The following RHOBTB2 variants were observed in gnomAD, a reference collection of about 807,000 sequenced individuals.
The protein encoded by RHOBTB2 is rho-related BTB domain-containing protein 2.
RHOBTB2 carries 39 observed loss-of-function variants against 66.5 expected under a neutral mutation model. That is an observed-to-expected ratio of 0.59 (90% CI 0.45 to 0.77). The LOEUF (loss-of-function observed/expected upper bound fraction) is 0.77, where lower values mean the gene tolerates loss of function less well. RHOBTB2 is among the 30% of genes least tolerant of loss of function. The pLI, the probability that RHOBTB2 is intolerant of heterozygous loss-of-function variation, is 0.00. For missense variants in RHOBTB2, 755 were observed against 999.1 expected (o/e 0.76, Z 3.29); for synonymous variants, 390 against 395.0 (o/e 0.99, Z 0.15).
intron 2 of RHOBTB2, among the ~76,000 whole-genome samples, chr8:22,994,157 C>T (rs1426601799): frequency 6.6e-6 from 1 of 152,226 alleles, no homozygotes; most frequent in Non-Finnish European, 1.5e-5. Context: ...GTCACCTGAC[C>T]TGGCCCTTGT....
upstream of RHOBTB2, among the ~76,000 whole-genome samples, chr8:22,996,162 G>A (rs752665924): frequency 3.9e-5 from 6 of 152,256 alleles, no homozygotes; most frequent in Admixed American, 6.5e-5. Flanking sequence ...TGGCCTGGAG[G>A]AGGGTGGTGT....
the RHOBTB2 span, among the ~76,000 whole-genome samples, chr8:22,956,934 A>G: frequency 6.6e-6 from 1 of 152,178 alleles, no homozygotes; most frequent in African/African-American, 2.4e-5. Flanking sequence ...TGCTGGAATT[A>G]CAGGCATGAG....
At chr8:23,002,611 AC>A (rs1439538758) in intron 1 of RHOBTB2, among the ~76,000 whole-genome samples, 2 of 152,078 alleles carry the variant, frequency 1.3e-5, no homozygotes, top group African/African-American at 2.4e-5. Context: ...AATCACTTGA[AC>A]CCAGGAGGCA....
chr8:22,965,626 T>A, the RHOBTB2 span, among the ~76,000 whole-genome samples: 3 of 152,078 alleles, frequency 2.0e-5, no homozygotes, highest in African/African-American at 7.2e-5. Context: ...AATAAACCCT[T>A]GCATATATGG....
chr8:22,969,728 G>A, the RHOBTB2 span, among the ~76,000 whole-genome samples: 1 of 152,002 alleles, frequency 6.6e-6, no homozygotes, highest in Non-Finnish European at 1.5e-5. Context: ...TTAACAATAG[G>A]AAATTAGAAT....
At position 23,007,156 on chromosome 8, in the gene RHOBTB2, A is replaced by G; in HGVS notation, c.911A>G (p.Glu304Gly). 1 of 1,606,020 alleles carries G rather than the reference A, an allele frequency of 6.2e-7. No homozygotes were observed. ...TTCCTCATGGACCTGAGTGAGGGGG[A>G]GCTGGGGGGCCCCTCGGAGCCAGGG... ...DLFLMDLSEG[E>G]LGGPSEPGGT... Residue 304 changes from glutamate to glycine, a missense_variant, in exon 5 of 10, where the codon GAG becomes GGG. By Grantham distance (98) the Glu-to-Gly change is moderately conservative. Transcript: ENST00000251822.
intron 1 of RHOBTB2, 112 bp downstream of exon 1, chr8:23,000,217 T>A: frequency 1.4e-6 from 1 of 706,510 alleles, no homozygotes; most frequent in Non-Finnish European, 1.7e-6. Flanking sequence ...CGGGCCCCGC[T>A]AGTCCCTGGG....
At chr8:22,995,932 G>C, upstream of RHOBTB2, 2 of 1,528,536 alleles carry the variant, frequency 1.3e-6, no homozygotes, top group Non-Finnish European at 1.8e-6. Context: ...TGAAGCAAAG[G>C]GAAGGTGCAG....
chr8:22,976,633 C>CT, the RHOBTB2 span, among the ~76,000 whole-genome samples: 130 of 150,518 alleles, frequency 8.6e-4, 2 homozygotes, highest in African/African-American at 2.9e-3. Context: ...ATCCATAGAA[C>CT]TTTTTTTTTT....
At position 23,007,738 on chromosome 8, in the gene RHOBTB2, C is replaced by T; in HGVS notation, c.1493C>T (p.Thr498Ile). The T allele has an allele frequency of 6.2e-7, 1 of 1,613,352 alleles. No homozygotes were observed. Among genetic ancestry groups the T allele is most frequent in the Non-Finnish European group, 8.5e-7 (1 of 1,179,498 alleles). The stretch of plus-strand genomic sequence containing the variant: ...GTTAAGGAGTGCTTGGCAAAAGGCA[C>T]CTTCTCAGGTATGGAACAGGCTTGG... Reference protein sequence around the residue: ...NRVKECLAKGTFSDVTFILDD... With the variant: ...NRVKECLAKGIFSDVTFILDD... Residue 498 changes from threonine to isoleucine, a missense_variant, in exon 5 of 10, where the codon ACC becomes ATC. This residue lies in a region of RHOBTB2 where 353 missense variants were observed against 458.2 expected (regional missense o/e 0.77). Coordinates refer to ENST00000251822, the MANE Select transcript of RHOBTB2 (RefSeq NM_015178.3).
the RHOBTB2 span, among the ~76,000 whole-genome samples, chr8:22,977,658 G>T: frequency 6.6e-6 from 1 of 151,888 alleles, no homozygotes; most frequent in African/African-American, 2.4e-5. Context: ...AGGAGAACTG[G>T]TTAATTCCAT....
chr8:22,989,586 T>A (rs1386624841), intron 1 of RHOBTB2, among the ~76,000 whole-genome samples: 1 of 152,168 alleles, frequency 6.6e-6, no homozygotes, highest in African/African-American at 2.4e-5. Flanking sequence ...TAGGCTAACA[T>A]CATACAATCA....
chr8:22,966,387 G>A, the RHOBTB2 span, among the ~76,000 whole-genome samples: 1 of 151,758 alleles, frequency 6.6e-6, no homozygotes, highest in Non-Finnish European at 1.5e-5. Flanking sequence ...AAACTTATGA[G>A]ACCCAACAAC....
upstream of RHOBTB2, chr8:22,999,527 C>A: frequency 1.8e-6 from 2 of 1,088,592 alleles, no homozygotes; most frequent in Non-Finnish European, 2.3e-6. Context: ...CGCTTTCCAC[C>A]AACTGCGCGC....
At chr8:22,979,246 ATTAT>A in the RHOBTB2 span, among the ~76,000 whole-genome samples, 1 of 152,168 alleles carries the variant, frequency 6.6e-6, no homozygotes, top group East Asian at 1.9e-4. Flanking sequence ...TAATTTGTTT[ATTAT>A]TTTGGTAAAT....
At chr8:22,964,085 G>GT in the RHOBTB2 span, among the ~76,000 whole-genome samples, 28 of 151,592 alleles carry the variant, frequency 1.8e-4, no homozygotes, top group Admixed American at 1.7e-3. Context: ...CCAGCCTCCT[G>GT]TTTTTTTTGT....
At chr8:23,010,771 T>G in intron 7 of RHOBTB2, 83 bp downstream of exon 7, 2 of 1,446,090 alleles carry the variant, frequency 1.4e-6, no homozygotes, top group Non-Finnish European at 1.9e-6. Flanking sequence ...CTCACGTCTC[T>G]CCTGGGGGAC....
At chr8:22,980,538 A>G in the RHOBTB2 span, among the ~76,000 whole-genome samples, 133,988 of 152,194 alleles carry the variant, frequency 0.88, 59,101 homozygotes, top group East Asian at 0.95. Context: ...ATATTTATGA[A>G]GATAAACAGT....
chr8:22,999,821 A>T lies in RHOBTB2; in HGVS notation c.-295A>T, dbSNP rs1376873071. 3.1e-6 allele frequency: 3 copies of T among 983,438 alleles called. No individual in the cohort carries two copies. Among genetic ancestry groups the T allele is most frequent in the Non-Finnish European group, 3.6e-6 (3 of 829,584 alleles). 60.9% of individuals were successfully genotyped at this position (983,438 alleles called of 1,614,324 possible). ...GCCCGGCTCCGCGCGCCGCCGTGACATTGGGCGCCTGGCGCGCGGGGCGAT... is the reference window on the plus strand; with the variant it reads ...GCCCGGCTCCGCGCGCCGCCGTGACTTTGGGCGCCTGGCGCGCGGGGCGAT... On this transcript the variant is annotated 5_prime_UTR_variant, in exon 1 of 10. Coordinates refer to ENST00000251822, the MANE Select transcript of RHOBTB2 (RefSeq NM_015178.3).
Sources: allele counts gnomAD v4.1 joint callset (sites outside exome capture counted in the v4.1 genomes callset), GRCh38; gene constraint gnomAD v4.1.1; regional missense constraint gnomAD v4.1.1; transcripts MANE v1.5; gene names NCBI Gene and HGNC (gene_info 2026-07-23, HGNC 2026-07-21).